The following MYO1H variants were observed in gnomAD, a reference collection of about 807,000 sequenced individuals.
MYO1H encodes unconventional myosin-Ih.
Under a neutral mutation model 149.3 loss-of-function variants are expected in MYO1H, and 118 were observed. That is an observed-to-expected ratio of 0.79 (90% confidence interval 0.68 to 0.92). MYO1H has a LOEUF of 0.92. Among genes scored for constraint, MYO1H ranks in the 40% least tolerant of loss-of-function variants. The pLI is 0.00. For synonymous variants in MYO1H, 447 were observed against 465.2 expected (o/e 0.96, Z 0.50); for missense variants, 1,212 against 1,280.7 (o/e 0.95, Z 0.82).
the MYO1H span, among the ~76,000 whole-genome samples, chr12:109,314,421 A>G: frequency 6.6e-6 from 1 of 152,160 alleles, no homozygotes; most frequent in Non-Finnish European, 1.5e-5. Context: ...TGAATAATCC[A>G]TGATATATTA....
chr12:109,406,970 A>T lies in MYO1H; in HGVS notation c.1035+110A>T, dbSNP rs1016898150. 441 of 929,226 alleles carry T rather than the reference A, an allele frequency of 4.7e-4. 5 individuals are homozygous for T. The East Asian group carries it at 0.011, about 23-fold the overall frequency. The allele number at this position is 929,226 out of a possible 1,614,324, so 57.6% of individuals were successfully genotyped here. A position where few individuals can be genotyped will look rare whatever the true frequency, so the allele number is the denominator to read the frequency against. The stretch of plus-strand genomic sequence containing the variant: ...GAGGCCAAACCTTTGATCCTAGCTC[A>T]CCAGGCCCTGCGTGGTCCAGCTCCT... On this transcript the variant is annotated intron_variant, in intron 9 of 31. Transcript: ENST00000310903.
At chr12:109,396,180 C>T (rs757372696) in intron 3 of MYO1H, among the ~76,000 whole-genome samples, 63 of 152,100 alleles carry the variant, frequency 4.1e-4, no homozygotes, top group Non-Finnish European at 8.1e-4. Flanking sequence ...GCCTCAGCTT[C>T]CCAGAGTGCT....
At chr12:109,311,241 G>A in the MYO1H span, among the ~76,000 whole-genome samples, 2 of 152,150 alleles carry the variant, frequency 1.3e-5, no homozygotes, top group Non-Finnish European at 2.9e-5. Context: ...ATATGGAAAA[G>A]AAAAGCAAGA....
At position 109,420,958 on chromosome 12, in the gene MYO1H, A is replaced by T; in HGVS notation, c.1598-23A>T. ...TTTAGGCAGAGACATTGATTCAAAA[A>T]ATTTTTCTTCAATGTTTTACAGGAT... On this transcript the variant is annotated intron_variant, in intron 15 of 31. Transcript: ENST00000310903. 2.1e-6 allele frequency: 3 copies of T among 1,415,288 alleles called. No individual in the cohort carries two copies. The South Asian group carries it at 3.6e-5, about 17-fold the overall frequency. 87.7% of individuals were successfully genotyped at this position (1,415,288 alleles called of 1,614,324 possible). A position where few individuals can be genotyped will look rare whatever the true frequency, so the allele number is the denominator to read the frequency against.
At chr12:109,354,634 A>AAAAAAGAAAG (rs1868546321) in intron 1 of MYO1H, among the ~76,000 whole-genome samples, 1 of 128,342 alleles carries the variant, frequency 7.8e-6, no homozygotes, top group Non-Finnish European at 1.6e-5. Context: ...AAAAAAAAAA[A>AAAAAAGAAAG]GAAAAGAAAA....
At chr12:109,447,061 AC>A in intron 31 of MYO1H, 97 bp from the exon 32 acceptor site, 1 of 1,260,212 alleles carries the variant, frequency 7.9e-7, no homozygotes, top group Non-Finnish European at 1.1e-6. Context: ...GGCCCTCCAC[AC>A]CCACCTTGCT....
intron 1 of MYO1H, among the ~76,000 whole-genome samples, chr12:109,371,708 A>G (rs1335400292): frequency 1.3e-5 from 2 of 152,196 alleles, no homozygotes; most frequent in African/African-American, 4.8e-5. Context: ...GTGTCAAAGA[A>G]TATATGCCTA....
chr12:109,358,169 T>C (rs970574662), intron 1 of MYO1H, among the ~76,000 whole-genome samples: 1 of 151,786 alleles, frequency 6.6e-6, no homozygotes, highest in Non-Finnish European at 1.5e-5. Context: ...CAATAACGCA[T>C]CATGACAATT....
At chr12:109,441,083 C>T (rs1462958304) in intron 25 of MYO1H, among the ~76,000 whole-genome samples, 1 of 152,232 alleles carries the variant, frequency 6.6e-6, no homozygotes, top group Non-Finnish European at 1.5e-5. Context: ...TCCACCGGAG[C>T]AGAGAATGTA....
intron 13 of MYO1H, among the ~76,000 whole-genome samples, chr12:109,411,286 TAG>T (rs1378833090): frequency 6.6e-6 from 1 of 152,068 alleles, no homozygotes; most frequent in East Asian, 1.9e-4. Context: ...AAAAATTTTG[TAG>T]AGACAGGGTT....
intron 3 of MYO1H, among the ~76,000 whole-genome samples, chr12:109,396,125 G>A (rs1869888066): frequency 6.6e-6 from 1 of 151,986 alleles, no homozygotes; most frequent in African/African-American, 2.4e-5. Context: ...ATTTCATCAT[G>A]TTGGCCAGGC....
intron 31 of MYO1H, 44 bp downstream of exon 31, chr12:109,445,656 G>T (rs1566046537): frequency 6.3e-7 from 1 of 1,580,338 alleles, no homozygotes. Context: ...TTTTAGATGA[G>T]AATATAAGTT....
chr12:109,358,161 A>G (rs1017460304), intron 1 of MYO1H, among the ~76,000 whole-genome samples: 2 of 151,762 alleles, frequency 1.3e-5, no homozygotes, highest in African/African-American at 2.4e-5. Flanking sequence ...GCAGTTTTCA[A>G]TAACGCATCA....
chr12:109,371,990 T>A (rs1868992821), intron 1 of MYO1H, among the ~76,000 whole-genome samples: 1 of 152,206 alleles, frequency 6.6e-6, no homozygotes, highest in Admixed American at 6.5e-5. Flanking sequence ...TTTGGTGTAT[T>A]TGTGTGGGGT....
intron 27 of MYO1H, among the ~76,000 whole-genome samples, chr12:109,442,795 C>CTTT (rs747073389): frequency 1.5e-3 from 142 of 94,012 alleles, no homozygotes; most frequent in African/African-American, 2.2e-3. Flanking sequence ...AGTGTCTGCT[C>CTTT]TTTTTTTTTT....
the MYO1H span, among the ~76,000 whole-genome samples, chr12:109,328,172 G>A: frequency 6.6e-6 from 1 of 150,472 alleles, no homozygotes; most frequent in South Asian, 2.1e-4. Context: ...GTGTGTGTGT[G>A]TGATGCCTAT....
In MYO1H at chr12:109,441,701, T is replaced by TC. The variant is rs1482500203; in HGVS notation, c.2626dup (p.Arg876ProfsTer4). 3 of 1,609,540 alleles carry TC rather than the reference T, an allele frequency of 1.9e-6. No homozygotes were observed. Among genetic ancestry groups the TC allele is most frequent in the Non-Finnish European group, 2.5e-6 (3 of 1,177,282 alleles). On this transcript the variant is annotated frameshift_variant, in exon 26 of 32. Transcript: ENST00000310903. LOFTEE classifies it high-confidence loss of function. ...GTTTAAATCAACCCTTTGTCAACAG[T>TC]CGGATAGGTAAGTACATTTTCCAGC...
chr12:109,400,297 C>A (rs559675959), intron 5 of MYO1H, among the ~76,000 whole-genome samples: 42 of 152,290 alleles, frequency 2.8e-4, no homozygotes, highest in African/African-American at 1.0e-3. Flanking sequence ...GGGTTCTTAC[C>A]AGCAAAGCAG....
chr12:109,363,902 C>T (rs1366901104), intron 1 of MYO1H, among the ~76,000 whole-genome samples: 12 of 151,628 alleles, frequency 7.9e-5, no homozygotes, highest in Admixed American at 7.9e-4. Context: ...AACAGACAGA[C>T]ATCAGAAGTG....
Sources: allele counts gnomAD v4.1 joint callset (sites outside exome capture counted in the v4.1 genomes callset), GRCh38; gene constraint gnomAD v4.1.1; transcripts MANE v1.5; gene names NCBI Gene and HGNC (gene_info 2026-07-23, HGNC 2026-07-21).